KRABD4: variants seen among roughly 807,000 people sequenced by gnomAD.
KRABD4 encodes the protein KRAB domain containing 4, also known as KRAB domain-containing protein 4.
At chrX:46,451,172 C>T in the KRABD4 span, among the ~76,000 whole-genome samples, 25,391 of 111,201 alleles carry the variant, frequency 0.23, 2,667 homozygotes, top group Middle Eastern at 0.34. Context: ...TTTTGATGTG[C>T]GTAGAAAAAG....
the KRABD4 span, chrX:46,472,715 T>C: frequency 8.4e-7 from 1 of 1,197,458 alleles, no homozygotes; most frequent in Non-Finnish European, 1.1e-6. Flanking sequence ...GTGGAAAGAC[T>C]TAACAAGTTT....
chrX:46,466,796 C>T, the KRABD4 span, among the ~76,000 whole-genome samples: 294 of 112,365 alleles, frequency 2.6e-3, 2 homozygotes, highest in African/African-American at 9.2e-3. Context: ...TGGAATTTAT[C>T]TTTCTTAGGT....
chrX:46,454,806 CAAAAA>C, the KRABD4 span, among the ~76,000 whole-genome samples: 1 of 111,592 alleles, frequency 9.0e-6, no homozygotes, highest in African/African-American at 3.3e-5. Flanking sequence ...CTCAAAAAAA[CAAAAA>C]CAAACAACAA....
the KRABD4 span, chrX:46,473,501 A>C: frequency 1.2e-6 from 1 of 804,656 alleles, no homozygotes; most frequent in Admixed American, 3.7e-5. Context: ...GAGAAACCTT[A>C]TGAATGTAAT....
At chrX:46,472,296 T>C in the KRABD4 span, 1 of 121,535 alleles carries the variant, frequency 8.2e-6, no homozygotes, top group Admixed American at 8.4e-5. Context: ...GACATCTTTC[T>C]AGTTCCTATT....
At chrX:46,463,118 C>G in the KRABD4 span, 8 of 1,072,989 alleles carry the variant, frequency 7.5e-6, no homozygotes, top group South Asian at 1.2e-4. Context: ...GGGCCATCAC[C>G]TTCAGCCTGC....
chrX:46,468,004 C>T, the KRABD4 span, among the ~76,000 whole-genome samples: 2 of 111,165 alleles, frequency 1.8e-5, no homozygotes, highest in African/African-American at 3.3e-5. Context: ...TCACCAACCC[C>T]GGGTAACAGA....
chrX:46,467,982 T>G, the KRABD4 span, among the ~76,000 whole-genome samples: 2 of 111,598 alleles, frequency 1.8e-5, no homozygotes, highest in African/African-American at 6.5e-5. Flanking sequence ...TGTGTCCTCT[T>G]TAGCAAATCT....
chrX:46,468,284 C>T, the KRABD4 span, among the ~76,000 whole-genome samples: 1 of 111,237 alleles, frequency 9.0e-6, no homozygotes, highest in Admixed American at 9.6e-5. Flanking sequence ...CCTATAATCC[C>T]AGCACTTTGG....
the KRABD4 span, among the ~76,000 whole-genome samples, chrX:46,457,635 T>TG: frequency 9.3e-6 from 1 of 108,082 alleles, no homozygotes; most frequent in African/African-American, 3.4e-5. Context: ...TTTTTTTTTT[T>TG]TTTTTTTTTT....
chrX:46,469,167 G>A, the KRABD4 span, among the ~76,000 whole-genome samples: 1 of 111,826 alleles, frequency 8.9e-6, no homozygotes, highest in Non-Finnish European at 1.9e-5. Context: ...CTTCCTTTTT[G>A]TAATGTTTTA....
chrX:46,450,376 T>C, the KRABD4 span: 1 of 770,379 alleles, frequency 1.3e-6, no homozygotes, highest in East Asian at 3.2e-5. Flanking sequence ...GGGATGGTAA[T>C]GATGGTCTAA....
chrX:46,470,052 A>G, the KRABD4 span, among the ~76,000 whole-genome samples: 1 of 110,888 alleles, frequency 9.0e-6, no homozygotes, highest in Non-Finnish European at 1.9e-5. Flanking sequence ...CCCCCCAACC[A>G]AACTTCTTTT....
At chrX:46,447,796 G>C in the KRABD4 span, among the ~76,000 whole-genome samples, 1 of 111,733 alleles carries the variant, frequency 8.9e-6, no homozygotes, top group African/African-American at 3.3e-5. Context: ...TAGCAAACCC[G>C]AGGAATCTTT....
chrX:46,472,764 G>C, the KRABD4 span: 1 of 1,209,403 alleles, frequency 8.3e-7, no homozygotes, highest in South Asian at 1.8e-5. Context: ...CTGGCAAGTT[G>C]ATGAGCAGAT....
the KRABD4 span, chrX:46,462,568 G>C: frequency 1.3e-6 from 1 of 752,436 alleles, no homozygotes; most frequent in Non-Finnish European, 1.9e-6. Context: ...GTGTGGATTC[G>C]ACTCCCCTCA....
At chrX:46,470,601 T>G in the KRABD4 span, among the ~76,000 whole-genome samples, 1 of 110,379 alleles carries the variant, frequency 9.1e-6, no homozygotes, top group East Asian at 2.9e-4. Context: ...TGAAGAACAT[T>G]CCTGTTTTCA....
chrX:46,453,016 G>A, the KRABD4 span, among the ~76,000 whole-genome samples: 1 of 111,602 alleles, frequency 9.0e-6, no homozygotes. Context: ...TTTCTCTTGG[G>A]TGTGGAATTA....
At chrX:46,473,065 C>T in the KRABD4 span, 1 of 1,206,001 alleles carries the variant, frequency 8.3e-7, no homozygotes, top group African/African-American at 1.7e-5. Flanking sequence ...TCATAAAGCT[C>T]AACCTGCAGA....
Sources: allele counts gnomAD v4.1 joint callset (sites outside exome capture counted in the v4.1 genomes callset), GRCh38; gene constraint gnomAD v4.1.1; transcripts MANE v1.5; gene names NCBI Gene and HGNC (gene_info 2026-07-23, HGNC 2026-07-21).